C7orf78: variants seen among roughly 807,000 people sequenced by gnomAD.
C7orf78 encodes the protein putative uncharacterized protein C7orf78.
chr7:12,485,048 A>G, the C7orf78 span, among the ~76,000 whole-genome samples: 2 of 152,106 alleles, frequency 1.3e-5, no homozygotes, highest in South Asian at 4.1e-4. Flanking sequence ...AATTTTTGAA[A>G]CTAAGCTTTT....
At chr7:12,500,634 C>G in the C7orf78 span, among the ~76,000 whole-genome samples, 2 of 151,874 alleles carry the variant, frequency 1.3e-5, no homozygotes, top group East Asian at 3.9e-4. Context: ...GATTCACAGC[C>G]GAATTCTACC....
At chr7:12,521,560 C>A in the C7orf78 span, among the ~76,000 whole-genome samples, 1 of 151,464 alleles carries the variant, frequency 6.6e-6, no homozygotes, top group Non-Finnish European at 1.5e-5. Context: ...CTCATAAGAA[C>A]AACCTCCCTT....
At chr7:12,507,441 A>G in the C7orf78 span, 1 of 199,542 alleles carries the variant, frequency 5.0e-6, no homozygotes. Context: ...GTGATGAGAG[A>G]GAGAGACGGA....
At chr7:12,516,938 G>C in the C7orf78 span, among the ~76,000 whole-genome samples, 1 of 152,158 alleles carries the variant, frequency 6.6e-6, no homozygotes, top group Admixed American at 6.5e-5. Flanking sequence ...TCTCAGATGA[G>C]ACTTTGGACT....
chr7:12,501,832 T>C, the C7orf78 span, among the ~76,000 whole-genome samples: 1 of 107,710 alleles, frequency 9.3e-6, no homozygotes, highest in Non-Finnish European at 1.8e-5. Context: ...CTTCAAACTA[T>C]ACTACAAGGC....
chr7:12,493,419 C>T, the C7orf78 span, among the ~76,000 whole-genome samples: 10 of 152,296 alleles, frequency 6.6e-5, no homozygotes, highest in African/African-American at 2.4e-4. Context: ...GGGAGAGGTT[C>T]TCAAAGTTGA....
the C7orf78 span, among the ~76,000 whole-genome samples, chr7:12,490,689 G>A: frequency 6.6e-6 from 1 of 151,512 alleles, no homozygotes; most frequent in Non-Finnish European, 1.5e-5. Flanking sequence ...CTGTCTTCAG[G>A]ATGCAGCATT....
chr7:12,521,641 G>T, the C7orf78 span, among the ~76,000 whole-genome samples: 1 of 113,584 alleles, frequency 8.8e-6, no homozygotes, highest in African/African-American at 3.6e-5. Flanking sequence ...TGTTGGGTTT[G>T]GGCTTTTTTT....
At chr7:12,533,612 G>T in the C7orf78 span, among the ~76,000 whole-genome samples, 1 of 150,910 alleles carries the variant, frequency 6.6e-6, no homozygotes, top group Non-Finnish European at 1.5e-5. Flanking sequence ...CACCTCCCGG[G>T]TTCACACCAT....
At chr7:12,536,050 G>A in the C7orf78 span, among the ~76,000 whole-genome samples, 1 of 152,132 alleles carries the variant, frequency 6.6e-6, no homozygotes, top group African/African-American at 2.4e-5. Flanking sequence ...CTACCATTCT[G>A]GGGTCTGTAG....
chr7:12,505,685 T>G, the C7orf78 span, among the ~76,000 whole-genome samples: 6 of 149,400 alleles, frequency 4.0e-5, no homozygotes, highest in East Asian at 1.2e-3. Flanking sequence ...ATTACTAATT[T>G]ATTTTTTCCT....
the C7orf78 span, among the ~76,000 whole-genome samples, chr7:12,497,411 G>T: frequency 3.3e-5 from 5 of 152,220 alleles, no homozygotes; most frequent in African/African-American, 9.6e-5. Context: ...TGCCTCACTC[G>T]GGAAGCGCAA....
chr7:12,513,816 C>T, the C7orf78 span, among the ~76,000 whole-genome samples: 4 of 151,496 alleles, frequency 2.6e-5, no homozygotes, highest in Admixed American at 6.6e-5. Context: ...CTGGCTTACA[C>T]GGTGAAACCC....
At chr7:12,499,356 A>G in the C7orf78 span, among the ~76,000 whole-genome samples, 1 of 152,180 alleles carries the variant, frequency 6.6e-6, no homozygotes, top group African/African-American at 2.4e-5. Flanking sequence ...AGAGACACAC[A>G]TAGGCTCAAA....
chr7:12,506,224 G>A, the C7orf78 span, among the ~76,000 whole-genome samples: 1 of 152,142 alleles, frequency 6.6e-6, no homozygotes, highest in African/African-American at 2.4e-5. Flanking sequence ...CATTGTGGAA[G>A]ACAGCGTGGC....
At chr7:12,490,679 C>G in the C7orf78 span, among the ~76,000 whole-genome samples, 1 of 151,890 alleles carries the variant, frequency 6.6e-6, no homozygotes, top group East Asian at 1.9e-4. Context: ...AAATAAGTAT[C>G]TGTCTTCAGG....
chr7:12,517,387 T>A, the C7orf78 span, among the ~76,000 whole-genome samples: 1 of 152,206 alleles, frequency 6.6e-6, no homozygotes, highest in East Asian at 1.9e-4. Flanking sequence ...TATGTTTTTA[T>A]CGGCAGCATG....
At chr7:12,526,677 C>A in the C7orf78 span, among the ~76,000 whole-genome samples, 1 of 152,072 alleles carries the variant, frequency 6.6e-6, no homozygotes, top group East Asian at 1.9e-4. Flanking sequence ...TGTCATCTAG[C>A]TGTGTAATTG....
At chr7:12,507,304 C>CAA in the C7orf78 span, 1,964 of 75,028 alleles carry the variant, frequency 0.026, 101 homozygotes, top group African/African-American at 0.094. Flanking sequence ...GAGACTCCAC[C>CAA]AAAAAAAAAA....
Sources: allele counts gnomAD v4.1 joint callset (sites outside exome capture counted in the v4.1 genomes callset), GRCh38; gene constraint gnomAD v4.1.1; transcripts MANE v1.5; gene names NCBI Gene and HGNC (gene_info 2026-07-23, HGNC 2026-07-21).